Variants in ATE1 observed in about 807,000 individuals in gnomAD.
ATE1 encodes the protein arginyl-tRNA--protein transferase 1.
Under a neutral mutation model 70.5 loss-of-function variants are expected in ATE1, and 36 were observed. That is an observed-to-expected ratio of 0.51 (90% CI 0.39 to 0.67). The LOEUF is 0.67. Among genes scored for constraint, ATE1 ranks in the 30% least tolerant of loss-of-function variants. ATE1 has a pLI of 0.00. For synonymous variants in ATE1, 232 were observed against 219.3 expected (o/e 1.06, Z -0.51); for missense variants, 593 against 629.5 (o/e 0.94, Z 0.62).
intron 10 of ATE1, among the ~76,000 whole-genome samples, chr10:121,830,800 T>C (rs919148699): frequency 6.6e-6 from 1 of 152,206 alleles, no homozygotes; most frequent in Non-Finnish European, 1.5e-5. Context: ...TATCATTATC[T>C]CACAAATACT....
chr10:121,889,359 A>T (rs1950508753), intron 7 of ATE1, among the ~76,000 whole-genome samples: 1 of 152,168 alleles, frequency 6.6e-6, no homozygotes, highest in Non-Finnish European at 1.5e-5. Context: ...TTCTAAAGAT[A>T]ATTGGGTTAA....
Position 121,811,907 on chromosome 10 carries a change from C to T in ATE1, c.1258-21618G>A, listed in dbSNP as rs146281269. Among the ~76,000 whole-genome samples, 523 of 149,950 alleles carry T rather than the reference C, an allele frequency of 3.5e-3. 4 individuals carry two copies. Among genetic ancestry groups the T allele is most frequent in the African/African-American group, 0.011 (431 of 40,766 alleles). ...ATACTGGAATATAAGACCTTGAATA[C>T]GGAAAGGGCAGAAATTTCCCTTCTA... On this transcript the variant is annotated intron_variant, in intron 10 of 11. Transcript: ENST00000224652.
At chr10:121,925,697 ATC>A (rs900024513) in intron 1 of ATE1, among the ~76,000 whole-genome samples, 3 of 150,998 alleles carry the variant, frequency 2.0e-5, no homozygotes, top group Non-Finnish European at 3.0e-5. Flanking sequence ...AACATACCAA[ATC>A]TCTGTTTTCA....
At chr10:121,917,545 C>T (rs988824653) in intron 3 of ATE1, among the ~76,000 whole-genome samples, 3 of 151,898 alleles carry the variant, frequency 2.0e-5, no homozygotes, top group Non-Finnish European at 4.4e-5. Context: ...GGGACAAAAA[C>T]GAGCTTGAAT....
At chr10:121,852,123 G>C (rs1015431478) in intron 8 of ATE1, among the ~76,000 whole-genome samples, 1 of 152,238 alleles carries the variant, frequency 6.6e-6, no homozygotes, top group African/African-American at 2.4e-5. Flanking sequence ...CATCAGGCCA[G>C]TATTTGAGGG....
rs1162462108 is a variant in ATE1, at chr10:121,742,633, G to C, written c.*1047C>G. On this transcript the variant is annotated 3_prime_UTR_variant, in exon 12 of 12. Transcript: ENST00000224652. ...AGCAAAAGAAAGTGAGGGAAGGAGG[G>C]GGCTGGCCTCTGCTCTGAGTTACTA... 1 of 152,312 alleles carries C rather than the reference G, an allele frequency of 6.6e-6. No individual in the cohort carries two copies. Among genetic ancestry groups the C allele is most frequent in the Non-Finnish European group, 1.5e-5 (1 of 68,152 alleles). The allele number at this position is 152,312 out of a possible 1,614,324, so 9.4% of individuals were successfully genotyped here.
chr10:121,926,996 C>A, intron 1 of ATE1: 1 of 985,430 alleles, frequency 1.0e-6, no homozygotes, highest in Non-Finnish European at 1.2e-6. Flanking sequence ...CCACTTACAC[C>A]TTTTTCATGG....
intron 7 of ATE1, among the ~76,000 whole-genome samples, chr10:121,884,925 T>C (rs1950335147): frequency 6.6e-6 from 1 of 152,168 alleles, no homozygotes; most frequent in South Asian, 2.1e-4. Flanking sequence ...AATAATTGCC[T>C]AAGCTCTCTA....
chr10:121,847,208 A>G (rs1948859536), intron 8 of ATE1, among the ~76,000 whole-genome samples: 1 of 152,068 alleles, frequency 6.6e-6, no homozygotes, highest in South Asian at 2.1e-4. Flanking sequence ...CAGCACTTTG[A>G]GAGGCCGAGG....
At chr10:121,914,832 T>C (rs752460439) in intron 3 of ATE1, among the ~76,000 whole-genome samples, 6 of 152,186 alleles carry the variant, frequency 3.9e-5, no homozygotes, top group Admixed American at 6.5e-5. Flanking sequence ...ACAGTACATG[T>C]TGAGATCACC....
intron 10 of ATE1, among the ~76,000 whole-genome samples, chr10:121,804,577 T>C (rs1564851899): frequency 6.6e-6 from 1 of 152,228 alleles, no homozygotes; most frequent in African/African-American, 2.4e-5. Flanking sequence ...GAGATGATTA[T>C]ACTTTTGGGC....
intron 11 of ATE1, among the ~76,000 whole-genome samples, chr10:121,749,198 TTC>T (rs1352024552): frequency 6.6e-6 from 1 of 152,112 alleles, no homozygotes; most frequent in African/African-American, 2.4e-5. Context: ...ATACACCAGG[TTC>T]TAACATTTCA....
intron 11 of ATE1, among the ~76,000 whole-genome samples, chr10:121,786,640 A>C (rs1946225769): frequency 1.5e-5 from 1 of 67,784 alleles, no homozygotes; most frequent in Non-Finnish European, 3.4e-5. Context: ...GCCTGGCCTC[A>C]AAAAAAAAAA....
intron 10 of ATE1, among the ~76,000 whole-genome samples, chr10:121,810,968 T>A (rs934730790): frequency 6.6e-6 from 1 of 152,154 alleles, no homozygotes; most frequent in Non-Finnish European, 1.5e-5. Context: ...CCCAAAGTGG[T>A]GGAATTACAC....
intron 3 of ATE1, among the ~76,000 whole-genome samples, chr10:121,917,028 G>T (rs1053272785): frequency 3.3e-5 from 5 of 152,070 alleles, no homozygotes; most frequent in Non-Finnish European, 7.3e-5. Context: ...GCCAGGCATA[G>T]TGGTGGGCGC....
rs186670749 is a variant in ATE1 at position 121,849,729 on chromosome 10, A to T, written c.976-8466T>A. Among the ~76,000 whole-genome samples the T allele has an allele frequency of 2.6e-5, 4 of 152,228 alleles. No homozygotes were observed. In the East Asian group the frequency reaches 7.7e-4, roughly 29 times the overall value. On this transcript the variant is annotated intron_variant, in intron 8 of 11. Coordinates refer to ENST00000224652, the MANE Select transcript of ATE1 (RefSeq NM_001001976.3). ...ATTTGGCTAGTAAGTCAATCAGTAC[A>T]ATTTTTTTCAACAGGTACGTGGCAG...
chr10:121,777,231 A>C (rs1276896390), intron 11 of ATE1, among the ~76,000 whole-genome samples: 2 of 152,256 alleles, frequency 1.3e-5, no homozygotes, highest in African/African-American at 4.8e-5. Flanking sequence ...TAAAATATTC[A>C]GCGTTCATGC....
chr10:121,783,788 A>G (rs1482909477), intron 11 of ATE1, among the ~76,000 whole-genome samples: 4 of 152,228 alleles, frequency 2.6e-5, no homozygotes, highest in African/African-American at 9.7e-5. Context: ...AAGCATCACG[A>G]TATTTTTGAG....
chr10:121,922,323 C>T, intron 3 of ATE1, 26 bp downstream of exon 3: 2 of 1,482,180 alleles, frequency 1.3e-6, no homozygotes, highest in Non-Finnish European at 1.9e-6. Flanking sequence ...ACTATAAATC[C>T]TCTTTCTACT....
Sources: allele counts gnomAD v4.1 joint callset (sites outside exome capture counted in the v4.1 genomes callset), GRCh38; gene constraint gnomAD v4.1.1; transcripts MANE v1.5; gene names NCBI Gene and HGNC (gene_info 2026-07-23, HGNC 2026-07-21).